PAK5: variants seen among roughly 807,000 people sequenced by gnomAD.
The protein encoded by PAK5 is serine/threonine-protein kinase PAK 5.
Under a neutral mutation model 65.9 loss-of-function variants are expected in PAK5, and 16 were observed. The ratio of observed to expected loss-of-function variants is 0.24; its 90% CI spans 0.16 to 0.37. PAK5 has a LOEUF of 0.37. Among genes scored for constraint, PAK5 ranks in the 10% least tolerant of loss-of-function variants. The pLI is 1.00. For missense variants in PAK5, 785 were observed against 903.9 expected (o/e 0.87, Z 1.69); for synonymous variants, 371 against 354.9 (o/e 1.05, Z -0.51).
Position 9,739,329 on chromosome 20 carries a change from G to A in PAK5, c.-161-27894C>T, listed in dbSNP as rs570927075. On this transcript the variant is annotated intron_variant, in intron 1 of 9. Coordinates refer to ENST00000353224, the MANE Select transcript of PAK5 (RefSeq NM_177990.4). ...AGAAATAACCAAACATTCCAGCTGCGTAAAATGATCTCTGTATTTAATCTC... is the reference window on the plus strand; with the variant it reads ...AGAAATAACCAAACATTCCAGCTGCATAAAATGATCTCTGTATTTAATCTC... Among the ~76,000 whole-genome samples, 538 of 151,166 alleles carry A rather than the reference G, an allele frequency of 3.6e-3. 3 individuals carry two copies. Among genetic ancestry groups the A allele is most frequent in the Non-Finnish European group, 5.7e-3 (384 of 67,896 alleles).
chr20:9,580,119 G>C lies in PAK5; in HGVS notation c.990+26C>G, dbSNP rs753549062. On this transcript the variant is annotated intron_variant, in intron 4 of 9. Coordinates refer to ENST00000353224, the MANE Select transcript of PAK5 (RefSeq NM_177990.4). ...CCCCTGTGGAGGTTTTTGCACACGTGAGGGAAAGGAGGTAGCAAACGTTAC... is the reference window on the plus strand; with the variant it reads ...CCCCTGTGGAGGTTTTTGCACACGTCAGGGAAAGGAGGTAGCAAACGTTAC... 48 of 1,578,462 alleles carry C rather than the reference G, an allele frequency of 3.0e-5. No individual in the cohort carries two copies. The Middle Eastern group carries it at 1.0e-3, about 34-fold the overall frequency.
chr20:9,724,079 A>C (rs572325466), intron 1 of PAK5, among the ~76,000 whole-genome samples: 1 of 152,282 alleles, frequency 6.6e-6, no homozygotes, highest in South Asian at 2.1e-4. Context: ...TGTAGCAGAA[A>C]ATTTGTAACA....
intron 3 of PAK5, among the ~76,000 whole-genome samples, chr20:9,605,574 A>T (rs1006851218): frequency 1.3e-5 from 2 of 152,204 alleles, no homozygotes; most frequent in Admixed American, 6.5e-5. Flanking sequence ...GTATGTGTTA[A>T]CACCTGGCAC....
chr20:9,753,520 T>C (rs1730805239), intron 1 of PAK5, among the ~76,000 whole-genome samples: 1 of 152,076 alleles, frequency 6.6e-6, no homozygotes, highest in Non-Finnish European at 1.5e-5. Context: ...GAGGAGTATT[T>C]TTTTCTTAAT....
chr20:9,666,817 T>C (rs2047426410), intron 2 of PAK5, among the ~76,000 whole-genome samples: 2 of 152,188 alleles, frequency 1.3e-5, no homozygotes, highest in Admixed American at 1.3e-4. Context: ...TGGATGAGTA[T>C]TGTTACTATT....
chr20:9,556,753 C>G (rs1445025059), intron 7 of PAK5, among the ~76,000 whole-genome samples: 1 of 152,192 alleles, frequency 6.6e-6, no homozygotes, highest in African/African-American at 2.4e-5. Flanking sequence ...ATACGGAAAT[C>G]TGGGCCTAGA....
In PAK5 at chr20:9,537,800, A is replaced by G. The variant is rs2045194633; in HGVS notation, c.*1662T>C. On this transcript the variant is annotated 3_prime_UTR_variant, in exon 10 of 10. Transcript: ENST00000353224. The stretch of plus-strand genomic sequence containing the variant: ...GCTGTTTTATGAAGCAAAATCATAG[A>G]TCATATTTATGGAGGCATTTCCAGT... 4.5e-6 allele frequency: 1 copy of G among 222,752 alleles called. No individual in the cohort carries two copies. 13.8% of individuals were successfully genotyped at this position (222,752 alleles called of 1,614,324 possible).
At chr20:9,715,417 G>A (rs958426472) in intron 1 of PAK5, among the ~76,000 whole-genome samples, 1 of 152,190 alleles carries the variant, frequency 6.6e-6, no homozygotes, top group African/African-American at 2.4e-5. Flanking sequence ...AGAGGATGTG[G>A]AGAAATAGGA....
At chr20:9,752,778 G>T (rs1237305921) in intron 1 of PAK5, among the ~76,000 whole-genome samples, 1 of 152,092 alleles carries the variant, frequency 6.6e-6, no homozygotes, top group Admixed American at 6.6e-5. Context: ...CCAAGCCCTT[G>T]CAATGTGACT....
At chr20:9,562,345 T>C (rs965818242) in intron 6 of PAK5, among the ~76,000 whole-genome samples, 2 of 152,222 alleles carry the variant, frequency 1.3e-5, no homozygotes, top group African/African-American at 4.8e-5. Flanking sequence ...AAATACTTAA[T>C]GAAATGGCTG....
chr20:9,677,045 ATGTGTGTGTGTGTG>A (rs4053117), intron 2 of PAK5, among the ~76,000 whole-genome samples: 15 of 141,228 alleles, frequency 1.1e-4, no homozygotes, highest in African/African-American at 2.3e-4. Context: ...GGGTATGTGC[ATGTGTGTGTGTGTG>A]TGTGTGTGTG....
chr20:9,608,976 C>G (rs2046507468), intron 3 of PAK5, among the ~76,000 whole-genome samples: 1 of 152,218 alleles, frequency 6.6e-6, no homozygotes, highest in Non-Finnish European at 1.5e-5. Context: ...AGCAACGTAT[C>G]TGCAGATTTC....
chr20:9,834,106 C>T (rs2123793331), intron 1 of PAK5, among the ~76,000 whole-genome samples: 1 of 152,274 alleles, frequency 6.6e-6, no homozygotes, highest in East Asian at 1.9e-4. Context: ...AAAATCAAGG[C>T]ACACTGTCTA....
intron 1 of PAK5, among the ~76,000 whole-genome samples, chr20:9,783,752 A>G (rs2048965768): frequency 6.6e-6 from 1 of 152,120 alleles, no homozygotes; most frequent in Non-Finnish European, 1.5e-5. Flanking sequence ...CAATGTTGTA[A>G]CTCTCAGTAA....
At chr20:9,823,817 G>GC (rs1333046702) in intron 1 of PAK5, among the ~76,000 whole-genome samples, 2 of 74,908 alleles carry the variant, frequency 2.7e-5, no homozygotes, top group East Asian at 3.3e-4. Flanking sequence ...GTCTGTTTCT[G>GC]GGGGGGAAAT....
intron 2 of PAK5, among the ~76,000 whole-genome samples, chr20:9,709,849 T>G (rs2048056984): frequency 6.6e-6 from 1 of 152,140 alleles, no homozygotes; most frequent in Admixed American, 6.6e-5. Flanking sequence ...TTCTTGCAAA[T>G]TTGGACCTAC....
chr20:9,712,998 A>C (rs1482735872), intron 1 of PAK5, among the ~76,000 whole-genome samples: 1 of 152,186 alleles, frequency 6.6e-6, no homozygotes, highest in East Asian at 1.9e-4. Context: ...ATAGGCAAAA[A>C]AACCAAAAGT....
chr20:9,687,374 A>G (rs1234321698), intron 2 of PAK5, among the ~76,000 whole-genome samples: 1 of 152,062 alleles, frequency 6.6e-6, no homozygotes, highest in African/African-American at 2.4e-5. Context: ...GTAGTTTATC[A>G]TTTTCTGTCT....
At chr20:9,626,522 T>C (rs541183914) in intron 3 of PAK5, among the ~76,000 whole-genome samples, 2 of 152,340 alleles carry the variant, frequency 1.3e-5, no homozygotes, top group Admixed American at 1.3e-4. Context: ...ATCTGGCAGT[T>C]GCCATGACCA....
Sources: gnomAD v4.1 joint callset for allele counts (sites outside exome capture counted in the v4.1 genomes callset) on GRCh38, gnomAD v4.1.1 for gene constraint, MANE v1.5 for transcripts, NCBI Gene and HGNC (gene_info 2026-07-23, HGNC 2026-07-21) for gene names.